The following CORO2A variants were observed in gnomAD, a reference collection of about 807,000 sequenced individuals.
CORO2A encodes the protein coronin 2A.
CORO2A carries 47 observed loss-of-function variants against 62.4 expected under a neutral mutation model. That is an observed-to-expected ratio of 0.75 (90% CI 0.60 to 0.96). The LOEUF (loss-of-function observed/expected upper bound fraction) is 0.96, where lower values mean the gene tolerates loss of function less well. CORO2A is among the 40% of genes least tolerant of loss of function. CORO2A has a pLI of 0.00. For missense variants in CORO2A, 610 were observed against 684.1 expected, an observed-to-expected ratio of 0.89 and a Z score of 1.21; for synonymous variants, 273 against 268.9, an observed-to-expected ratio of 1.02 and a Z score of -0.15.
rs77687240 is a variant in CORO2A at position 98,146,332 on chromosome 9, G to T, written c.202-8644C>A. ...CTTTGTTCCCTGAGTACAGTCCCTG[G>T]TTGCCAAGGCTGCAGGTTGCGAAAC... On this transcript the variant is annotated intron_variant, in intron 2 of 11. Coordinates refer to ENST00000375077, the MANE Select transcript of CORO2A (RefSeq NM_052820.4). Among the ~76,000 whole-genome samples, 766 of 152,254 alleles carry T rather than the reference G, an allele frequency of 5.0e-3. 7 individuals carry two copies. Among genetic ancestry groups the T allele is most frequent in the African/African-American group, 0.017 (727 of 41,544 alleles).
intron 2 of CORO2A, among the ~76,000 whole-genome samples, chr9:98,142,962 T>C (rs1757875277): frequency 6.6e-6 from 1 of 152,244 alleles, no homozygotes; most frequent in African/African-American, 2.4e-5. Context: ...TTAGCCAGCC[T>C]GGTGGGCTAT....
chr9:98,161,042 G>A (rs1378582965), intron 1 of CORO2A, among the ~76,000 whole-genome samples: 1 of 152,216 alleles, frequency 6.6e-6, no homozygotes, highest in East Asian at 1.9e-4. Context: ...GACATACAGT[G>A]CAACAGAGAA....
At chr9:98,130,409 A>G (rs985589990) in intron 7 of CORO2A, among the ~76,000 whole-genome samples, 2 of 152,170 alleles carry the variant, frequency 1.3e-5, no homozygotes, top group East Asian at 1.9e-4. Context: ...TTAATATTCA[A>G]TCCTCCCCCA....
chr9:98,125,058 A>C (rs1650371333), intron 11 of CORO2A, among the ~76,000 whole-genome samples, 153 bp from the exon 12 acceptor site: 1 of 152,154 alleles, frequency 6.6e-6, no homozygotes, highest in South Asian at 2.1e-4. Context: ...ATCTTTTACA[A>C]ACACCTTGTT....
chr9:98,127,448 C>T (rs1587989900), intron 10 of CORO2A, among the ~76,000 whole-genome samples: 1 of 152,184 alleles, frequency 6.6e-6, no homozygotes, highest in African/African-American at 2.4e-5. Context: ...GGGAGAGTGG[C>T]TCAGGACAGG....
Position 98,124,587 on chromosome 9 carries a change from T to C in CORO2A, c.*187A>G. ...AACAAAGTCAATTCAGAAACTGTTG[T>C]TGCAAGAAGGCAAACAGAAAAACGG... On this transcript the variant is annotated 3_prime_UTR_variant, in exon 12 of 12. Transcript: ENST00000375077. The C allele has an allele frequency of 1.9e-6, 1 of 539,870 alleles. No individual in the cohort carries two copies. The highest frequency in any genetic ancestry group is 3.1e-6 in the Non-Finnish European group (1 of 324,912). 33.4% of individuals were successfully genotyped at this position (539,870 alleles called of 1,614,324 possible). A position where few individuals can be genotyped will look rare whatever the true frequency, so the allele number is the denominator to read the frequency against.
At chr9:98,152,821 C>T (rs745691845) in intron 2 of CORO2A, among the ~76,000 whole-genome samples, 1 of 151,966 alleles carries the variant, frequency 6.6e-6, no homozygotes, top group Non-Finnish European at 1.5e-5. Context: ...AACAACTGAC[C>T]TTTACTCCTG....
intron 2 of CORO2A, among the ~76,000 whole-genome samples, chr9:98,153,547 C>G (rs1827756593): frequency 6.6e-6 from 1 of 151,646 alleles, no homozygotes; most frequent in African/African-American, 2.4e-5. Flanking sequence ...GCTGGGACTA[C>G]AGGTGTGTAC....
intron 2 of CORO2A, among the ~76,000 whole-genome samples, chr9:98,156,397 A>G (rs893606912): frequency 6.6e-6 from 1 of 151,836 alleles, no homozygotes; most frequent in African/African-American, 2.4e-5. Flanking sequence ...CTTTTCTAAT[A>G]TAAGCATTAG....
intron 2 of CORO2A, among the ~76,000 whole-genome samples, chr9:98,145,853 C>T (rs4743171): frequency 0.32 from 48,706 of 151,684 alleles, 7,964 homozygotes; most frequent in Admixed American, 0.39. Flanking sequence ...GCTGGGACTA[C>T]AGGCATGTGC....
intron 1 of CORO2A, among the ~76,000 whole-genome samples, chr9:98,175,125 T>C (rs1828091211): frequency 6.6e-6 from 1 of 152,152 alleles, no homozygotes; most frequent in Non-Finnish European, 1.5e-5. Context: ...AGTTGGTCCC[T>C]GATGTGACTT....
At chr9:98,168,045 G>A (rs1361515102) in intron 1 of CORO2A, among the ~76,000 whole-genome samples, 2 of 152,226 alleles carry the variant, frequency 1.3e-5, no homozygotes, top group Non-Finnish European at 2.9e-5. Context: ...ACTGTCAGGG[G>A]TCTAATCTTG....
intron 6 of CORO2A, among the ~76,000 whole-genome samples, chr9:98,131,513 C>T (rs1020474373): frequency 6.6e-6 from 1 of 151,858 alleles, no homozygotes; most frequent in Non-Finnish European, 1.5e-5. Flanking sequence ...AGATGGGGGT[C>T]CTGCTGTGTA....
chr9:98,150,017 C>T (rs1223296629), intron 2 of CORO2A, among the ~76,000 whole-genome samples: 1 of 151,590 alleles, frequency 6.6e-6, no homozygotes, highest in Non-Finnish European at 1.5e-5. Flanking sequence ...CTGCAACCTC[C>T]ACCTCCTGGG....
chr9:98,171,026 T>A (rs543848911), intron 1 of CORO2A, among the ~76,000 whole-genome samples: 1 of 152,278 alleles, frequency 6.6e-6, no homozygotes, highest in South Asian at 2.1e-4. Flanking sequence ...AATCAAGCCC[T>A]GACCAAAACT....
chr9:98,153,266 A>C (rs111773326), intron 2 of CORO2A, among the ~76,000 whole-genome samples: 13,953 of 151,822 alleles, frequency 0.092, 817 homozygotes, highest in East Asian at 0.2. Context: ...CACCTGGCTA[A>C]TTTTTTGTGT....
intron 3 of CORO2A, among the ~76,000 whole-genome samples, chr9:98,135,977 C>T (rs1827481472): frequency 6.6e-6 from 1 of 152,188 alleles, no homozygotes; most frequent in African/African-American, 2.4e-5. Flanking sequence ...CTCCCCACTG[C>T]TAGAGGAGCA....
At chr9:98,189,007 T>C (rs1828273596) in intron 1 of CORO2A, among the ~76,000 whole-genome samples, 1 of 152,206 alleles carries the variant, frequency 6.6e-6, no homozygotes, top group African/African-American at 2.4e-5. Flanking sequence ...CCTTGACTTC[T>C]GCAAGCTCAT....
In CORO2A at chr9:98,124,617, A is replaced by C. The variant is rs1473841747; in HGVS notation, c.*157T>G. 1.4e-6 allele frequency: 1 copy of C among 721,182 alleles called. No homozygotes were observed. Among genetic ancestry groups the C allele is most frequent in the Non-Finnish European group, 2.0e-6 (1 of 490,430 alleles). 44.7% of individuals were successfully genotyped at this position (721,182 alleles called of 1,614,324 possible). On this transcript the variant is annotated 3_prime_UTR_variant, in exon 12 of 12. Coordinates refer to ENST00000375077, the MANE Select transcript of CORO2A (RefSeq NM_052820.4). Reference sequence around the variant, plus strand: ...AGAAGGCAAACAGAAAAACGGCACCATGTCCCACTGGAATCTCTTTCAGCG... The same window carrying C: ...AGAAGGCAAACAGAAAAACGGCACCCTGTCCCACTGGAATCTCTTTCAGCG...
Sources: gnomAD v4.1 joint callset for allele counts (sites outside exome capture counted in the v4.1 genomes callset) on GRCh38, gnomAD v4.1.1 for gene constraint, MANE v1.5 for transcripts, NCBI Gene and HGNC (gene_info 2026-07-23, HGNC 2026-07-21) for gene names.